Variants in MCF2L observed in about 807,000 individuals in gnomAD.
MCF2L encodes guanine nucleotide exchange factor DBS.
A neutral mutation model predicts 153.4 loss-of-function variants in MCF2L; 97 were observed. That is an observed-to-expected ratio of 0.63 (90% CI 0.54 to 0.75). The LOEUF is 0.75. Among genes scored for constraint, MCF2L ranks in the 30% least tolerant of loss-of-function variants. The probability of loss-of-function intolerance (pLI) is 0.00; values close to 1 mark genes in which losing one functional copy is unlikely to be tolerated. For missense variants in MCF2L, 1,347 were observed against 1,495.2 expected (o/e 0.90, Z 1.64); for synonymous variants, 659 against 632.2 (o/e 1.04, Z -0.64).
chr13:113,016,793 G>A (rs1185049648), intron 2 of MCF2L, among the ~76,000 whole-genome samples: 1 of 152,130 alleles, frequency 6.6e-6, no homozygotes, highest in Non-Finnish European at 1.5e-5. Flanking sequence ...TCAGAGGCAC[G>A]CCCTCGTACA....
intron 2 of MCF2L, among the ~76,000 whole-genome samples, chr13:112,958,457 G>C (rs539234537): frequency 6.6e-6 from 1 of 152,188 alleles, no homozygotes; most frequent in East Asian, 1.9e-4. Flanking sequence ...CCAGCTGACC[G>C]CAGGTGTTAA....
intron 3 of MCF2L, chr13:113,042,953 G>A (rs1442192445): frequency 6.6e-6 from 1 of 152,254 alleles, no homozygotes; most frequent in African/African-American, 2.4e-5. Context: ...GAAAAGGGGA[G>A]AAATTGAGTC....
intron 2 of MCF2L, chr13:112,956,969 T>C (rs2081765651): frequency 6.6e-6 from 1 of 152,122 alleles, no homozygotes; most frequent in South Asian, 2.1e-4. Flanking sequence ...CATTGGTGCA[T>C]GTTTTAGAAG....
At chr13:113,048,895 G>A (rs2087014060) in intron 4 of MCF2L, among the ~76,000 whole-genome samples, 1 of 152,208 alleles carries the variant, frequency 6.6e-6, no homozygotes, top group Admixed American at 6.5e-5. Flanking sequence ...TCACAATGGG[G>A]TCACAGGCAG....
intron 1 of MCF2L, among the ~76,000 whole-genome samples, chr13:113,014,142 G>C (rs1160632638): frequency 5.3e-5 from 8 of 152,256 alleles, no homozygotes; most frequent in African/African-American, 1.9e-4. Context: ...GTGGCTGCAG[G>C]TGCTGCAGTG....
intron 3 of MCF2L, among the ~76,000 whole-genome samples, chr13:113,033,356 G>A (rs111889175): frequency 1.0e-3 from 90 of 89,884 alleles, no homozygotes; most frequent in Middle Eastern, 7.5e-3. Context: ...AGTGGACCCC[G>A]TGGCGTGAGT....
At chr13:112,998,821 G>A (rs142467193) in intron 1 of MCF2L, among the ~76,000 whole-genome samples, 3 of 152,278 alleles carry the variant, frequency 2.0e-5, no homozygotes, top group Non-Finnish European at 4.4e-5. Context: ...GCCTGAGGCC[G>A]TGCGAGCTCC....
At chr13:113,013,418 G>C (rs2993295) in intron 1 of MCF2L, among the ~76,000 whole-genome samples, 73,237 of 151,998 alleles carry the variant, frequency 0.48, 17,832 homozygotes, top group South Asian at 0.68. Context: ...CCAGGGTTGT[G>C]TCTGGCTCGG....
At chr13:112,942,811 G>A (rs2081589860) in intron 2 of MCF2L, among the ~76,000 whole-genome samples, 1 of 152,126 alleles carries the variant, frequency 6.6e-6, no homozygotes, top group South Asian at 2.1e-4. Flanking sequence ...TATTGTGGGT[G>A]ACTTAACATT....
intron 2 of MCF2L, among the ~76,000 whole-genome samples, chr13:113,022,796 TGTC>T (rs1293092628): frequency 1.3e-5 from 2 of 152,186 alleles, no homozygotes; most frequent in African/African-American, 4.8e-5. Flanking sequence ...AGGGGAGGCT[TGTC>T]GTACTCGCAC....
rs529981245 is a variant in MCF2L, at chr13:113,098,988, C to G, written c.*2129C>G. The G allele has an allele frequency of 6.6e-6, 1 of 152,352 alleles. No homozygotes were observed. Among genetic ancestry groups the G allele is most frequent in the African/African-American group, 2.4e-5 (1 of 41,564 alleles). The allele number at this position is 152,352 out of a possible 1,614,324, so 9.4% of individuals were successfully genotyped here. A position where few individuals can be genotyped will look rare whatever the true frequency, so the allele number is the denominator to read the frequency against. On this transcript the variant is annotated 3_prime_UTR_variant, in exon 30 of 30. Transcript: ENST00000535094. Reference sequence around the variant, plus strand: ...ACAGACGTGATCATGTTATGCTGGCCTGGAAGAGCATCGGATCAGACGTGA... The same window carrying G: ...ACAGACGTGATCATGTTATGCTGGCGTGGAAGAGCATCGGATCAGACGTGA...
At chr13:113,030,966 T>C (rs1448888694) in intron 3 of MCF2L, among the ~76,000 whole-genome samples, 1 of 152,056 alleles carries the variant, frequency 6.6e-6, no homozygotes, top group African/African-American at 2.4e-5. Context: ...TGAGACAATA[T>C]GTCAGCTATG....
chr13:113,082,465 C>A lies in MCF2L; in HGVS notation c.1914C>A (p.His638Gln), dbSNP rs201634776. The change falls in exon 17 of 30, where the codon CAC becomes CAA. Residue 638 changes from histidine (H) to glutamine (Q), a missense_variant. His to Gln is a conservative substitution (Grantham distance 24). Around this residue, in one of 3 missense-constraint regions of MCF2L, gnomAD observed 820 missense variants for 921.2 expected, o/e 0.89. Transcript: ENST00000535094. Reference sequence around the variant, plus strand: ...AGATGGATAACCCACTGATGGCTCACCTCCTGTCAACAGGCCTTCACAACA... The same window carrying A: ...AGATGGATAACCCACTGATGGCTCAACTCCTGTCAACAGGCCTTCACAACA... The part of the protein sequence containing the change: ...AAEMDNPLMA[H>Q]LLSTGLHNKK... 730 of 1,614,084 alleles carry A rather than the reference C, an allele frequency of 4.5e-4. 6 individuals are homozygous for A. The highest frequency in any genetic ancestry group is 4.2e-3 in the South Asian group (386 of 91,082).
chr13:113,058,771 T>G (rs2030800826), intron 4 of MCF2L, among the ~76,000 whole-genome samples: 2 of 119,420 alleles, frequency 1.7e-5, no homozygotes, highest in African/African-American at 3.4e-5. Context: ...GGGCTGAGTA[T>G]TTGGGGGCTG....
intron 2 of MCF2L, among the ~76,000 whole-genome samples, chr13:112,926,315 G>A (rs143067192): frequency 0.011 from 1,745 of 151,912 alleles, 12 homozygotes; most frequent in Non-Finnish European, 0.018. Flanking sequence ...CGTACACAGC[G>A]GAGTGCAGTA....
chr13:112,977,851 C>T (rs1439556264), intron 1 of MCF2L, among the ~76,000 whole-genome samples: 1 of 152,148 alleles, frequency 6.6e-6, no homozygotes, highest in Non-Finnish European at 1.5e-5. Context: ...CCCTTGGAGG[C>T]TCACCTTAGG....
chr13:113,045,075 C>G lies in MCF2L; in HGVS notation c.279-196C>G. The G allele has an allele frequency of 4.1e-6, 4 of 971,442 alleles. No homozygotes were observed. The highest frequency in any genetic ancestry group is 6.2e-6 in the Non-Finnish European group (4 of 647,872). 60.2% of individuals were successfully genotyped at this position (971,442 alleles called of 1,614,324 possible). ...AACACACCAAAAGTGCCTGCCCTTC[C>G]GTAGATGAGAGCAGGTTCTGGGACT... On this transcript the variant is annotated intron_variant, in intron 3 of 29. Coordinates refer to ENST00000535094, the MANE Select transcript of MCF2L (RefSeq NM_001112732.3). This position sits in a 1 kb window ranked among gnomAD's most constrained non-coding sequence, Gnocchi z 4.2.
intron 2 of MCF2L, among the ~76,000 whole-genome samples, chr13:112,936,279 CAAAAAAAAA>C (rs34826552): frequency 2.8e-4 from 21 of 74,280 alleles, no homozygotes; most frequent in Non-Finnish European, 5.0e-4. Flanking sequence ...GACTCTGTCT[CAAAAAAAAA>C]AAAAAAAAAA....
chr13:113,050,896 C>T (rs1450045252), intron 4 of MCF2L, among the ~76,000 whole-genome samples: 9 of 152,020 alleles, frequency 5.9e-5, no homozygotes, highest in African/African-American at 2.2e-4. Context: ...CGAGGAGCTT[C>T]CCCTGGGAAC....
Sources: gnomAD v4.1 joint callset for allele counts (sites outside exome capture counted in the v4.1 genomes callset) on GRCh38, gnomAD v4.1.1 for gene constraint, gnomAD v4.1.1 regional missense constraint, Gnocchi (gnomAD v3.1) non-coding constraint, MANE v1.5 for transcripts, NCBI Gene and HGNC (gene_info 2026-07-23, HGNC 2026-07-21) for gene names.